The following TRAPPC11 variants were observed in gnomAD, a reference collection of about 807,000 sequenced individuals.
TRAPPC11 encodes trafficking protein particle complex subunit 11.
TRAPPC11 carries 104 observed loss-of-function variants against 151.2 expected under a neutral mutation model. The ratio of observed to expected loss-of-function variants is 0.69; its 90% confidence interval spans 0.59 to 0.81. The LOEUF (loss-of-function observed/expected upper bound fraction) is 0.81. TRAPPC11 is among the 30% of genes least tolerant of loss of function. TRAPPC11 has a pLI of 0.00. For missense variants in TRAPPC11, 1,230 were observed against 1,349.6 expected (o/e 0.91, Z 1.39); for synonymous variants, 456 against 472.3 (o/e 0.97, Z 0.45).
chr4:183,674,749 T>C lies in TRAPPC11; in HGVS notation c.597T>C (p.Tyr199=), dbSNP rs373475855. ...ENAFYEHAQT[Y]YYTEIRRVKS... The stretch of plus-strand genomic sequence containing the variant: ...CCTTTTATGAACATGCACAGACTTA[T>C]TACTACACTGAGATCAGAAGAGTGA... Residue 199 remains tyrosine (Y), a synonymous_variant, in exon 6 of 30, where the codon TAT becomes TAC. Coordinates refer to ENST00000334690, the MANE Select transcript of TRAPPC11 (RefSeq NM_021942.6). 8 of 1,591,114 alleles carry C rather than the reference T, an allele frequency of 5.0e-6. No homozygotes were observed. The highest frequency in any genetic ancestry group is 6.8e-6 in the Non-Finnish European group (8 of 1,171,432).
chr4:183,670,906 C>T (rs960081313), intron 5 of TRAPPC11, among the ~76,000 whole-genome samples: 4 of 152,220 alleles, frequency 2.6e-5, no homozygotes, highest in African/African-American at 9.6e-5. Context: ...CTGCCTCAGC[C>T]TCCCAAGTAG....
chr4:183,691,337 A>G lies in TRAPPC11; in HGVS notation c.1915A>G (p.Ile639Val). 6.4e-7 allele frequency: 1 copy of G among 1,553,670 alleles called. No individual in the cohort carries two copies. ...TCAGGAATACAACCAGTTCTGTGTA[A>G]TAGAAGAAGCATCCAAAGCAAATGA... The part of the protein sequence containing the change: ...NNQEYNQFCV[I>V]EEASKANEVL... Residue 639 changes from isoleucine to valine, a missense_variant, in exon 19 of 30, where the codon ATA becomes GTA. Coordinates refer to ENST00000334690, the MANE Select transcript of TRAPPC11 (RefSeq NM_021942.6).
At chr4:183,702,102 C>T (rs1395567206) in intron 26 of TRAPPC11, among the ~76,000 whole-genome samples, 3 of 152,110 alleles carry the variant, frequency 2.0e-5, no homozygotes, top group Non-Finnish European at 4.4e-5. Flanking sequence ...CCAGCACTTT[C>T]GTAGACCTAG....
Position 183,698,070 on chromosome 4 carries a change from G to A in TRAPPC11, c.2851+235G>A, listed in dbSNP as rs116808624. Among the ~76,000 whole-genome samples, 2,239 of 152,084 alleles carry A rather than the reference G, an allele frequency of 0.015. 51 individuals carry two copies. Among genetic ancestry groups the A allele is most frequent in the African/African-American group, 0.052 (2,143 of 41,484 alleles). ...GTTAGACTTTTTTCCTACTCTAAGG[G>A]AGTTATACTTTGAAAATGTACTTCA... On this transcript the variant is annotated intron_variant, in intron 25 of 29. Transcript: ENST00000334690.
At chr4:183,662,741 GTTTTTCTTTTATA>G (rs1026218635) in intron 1 of TRAPPC11, among the ~76,000 whole-genome samples, 1 of 120,830 alleles carries the variant, frequency 8.3e-6, no homozygotes, top group Admixed American at 8.9e-5. Flanking sequence ...TAAGTCAACT[GTTTTTCTTTTATA>G]TTTTTCTTTC....
chr4:183,661,922 C>G (rs1734571092), intron 1 of TRAPPC11, among the ~76,000 whole-genome samples: 1 of 151,762 alleles, frequency 6.6e-6, no homozygotes, highest in African/African-American at 2.4e-5. Context: ...CCACCATGCC[C>G]GGCTATTTTC....
chr4:183,700,793 C>T (rs1736763820), intron 25 of TRAPPC11: 1 of 152,090 alleles, frequency 6.6e-6, no homozygotes, highest in Non-Finnish European at 1.5e-5. Flanking sequence ...GAGCATCCCT[C>T]ATCTAAAAAT....
intron 26 of TRAPPC11, among the ~76,000 whole-genome samples, chr4:183,702,403 A>G (rs1579220721): frequency 6.6e-6 from 1 of 152,128 alleles, no homozygotes; most frequent in East Asian, 1.9e-4. Context: ...ATGGGGGAAA[A>G]AAACGTAAAT....
intron 2 of TRAPPC11, among the ~76,000 whole-genome samples, chr4:183,665,331 T>C (rs1734820779): frequency 1.3e-5 from 2 of 152,076 alleles, no homozygotes. Flanking sequence ...CCTGACCTCG[T>C]GATCTGCCCA....
rs1431311633 is a variant in TRAPPC11, at chr4:183,708,442, A to T, written c.3225A>T (p.Glu1075Asp). Residue 1075 changes from glutamate to aspartate, a missense_variant, in exon 29 of 30, where the codon GAA becomes GAT. Coordinates refer to ENST00000334690, the MANE Select transcript of TRAPPC11 (RefSeq NM_021942.6). ...RLRILPGTEQ[E>D]MLYNFYPLMA... ...GTATCCTCCCTGGCACGGAGCAGGA[A>T]ATGCTATATAATTTCTATCCTCTGA... The T allele has an allele frequency of 6.2e-7, 1 of 1,614,018 alleles. No homozygotes were observed. The highest frequency in any genetic ancestry group is 1.7e-5 in the Admixed American group (1 of 60,004).
intron 5 of TRAPPC11, among the ~76,000 whole-genome samples, chr4:183,671,898 G>A (rs938614854): frequency 6.6e-5 from 10 of 152,206 alleles, no homozygotes; most frequent in African/African-American, 2.2e-4. Context: ...GGAGCAGCTC[G>A]TAATTAAAAG....
At position 183,684,645 on chromosome 4, in the gene TRAPPC11, C is replaced by T. The variant is rs111849151; in HGVS notation, c.1422-51C>T. ...AGTATTTTTTTCTCCATGAACTCTT[C>T]GAACCCTTTCTTGTGAAGCCGGTTC... On this transcript the variant is annotated intron_variant, in intron 14 of 29. Transcript: ENST00000334690. 128 of 1,589,958 alleles carry T rather than the reference C, an allele frequency of 8.1e-5. No individual in the cohort carries two copies. The African/African-American group carries it at 1.0e-3, about 13-fold the overall frequency.
chr4:183,666,795 C>A, intron 3 of TRAPPC11: 1 of 438,484 alleles, frequency 2.3e-6, no homozygotes, highest in South Asian at 4.6e-5. Context: ...AAGTAAGTTG[C>A]ATTATAACTT....
At chr4:183,687,070 A>G (rs1443992401) in intron 18 of TRAPPC11, among the ~76,000 whole-genome samples, 2 of 152,132 alleles carry the variant, frequency 1.3e-5, no homozygotes, top group Non-Finnish European at 2.9e-5. Context: ...AGTCCCAGCT[A>G]CTTGGGAGGC....
intron 28 of TRAPPC11, among the ~76,000 whole-genome samples, chr4:183,707,857 T>C (rs1032129883): frequency 5.3e-5 from 8 of 152,230 alleles, no homozygotes; most frequent in Non-Finnish European, 1.0e-4. Flanking sequence ...GTAGGAAATA[T>C]AAAGATGCTA....
intron 25 of TRAPPC11, among the ~76,000 whole-genome samples, chr4:183,700,683 A>G (rs532923416): frequency 1.3e-5 from 2 of 152,318 alleles, no homozygotes; most frequent in East Asian, 3.9e-4. Context: ...GCTATTAGTA[A>G]TACAGGCTGA....
At chr4:183,695,711 A>G (rs1322286058) in intron 23 of TRAPPC11, among the ~76,000 whole-genome samples, 1 of 151,994 alleles carries the variant, frequency 6.6e-6, no homozygotes, top group Non-Finnish European at 1.5e-5. Context: ...CAATTTGGGG[A>G]TTTGTAGTTT....
chr4:183,665,258 C>G (rs1386420472), intron 2 of TRAPPC11, among the ~76,000 whole-genome samples: 1 of 151,972 alleles, frequency 6.6e-6, no homozygotes, highest in Non-Finnish European at 1.5e-5. Context: ...CCACGTCCAG[C>G]TAATTTTCTG....
chr4:183,682,930 A>T, intron 11 of TRAPPC11, 105 bp downstream of exon 11: 1 of 760,004 alleles, frequency 1.3e-6, no homozygotes, highest in Non-Finnish European at 2.2e-6. Flanking sequence ...ATGTTGAAGT[A>T]AAAATGTGTG....
Sources: gnomAD v4.1 joint callset for allele counts (sites outside exome capture counted in the v4.1 genomes callset) on GRCh38, gnomAD v4.1.1 for gene constraint, MANE v1.5 for transcripts, NCBI Gene and HGNC (gene_info 2026-07-23, HGNC 2026-07-21) for gene names.